ADGRG6: variants seen among roughly 807,000 people sequenced by gnomAD.
ADGRG6 encodes the protein adhesion G protein-coupled receptor G6.
In ADGRG6, 84 loss-of-function variants were observed where a neutral mutation model predicts 142.4. That is an observed-to-expected ratio of 0.59 (90% CI 0.49 to 0.71). ADGRG6 has a LOEUF of 0.71. Among genes scored for constraint, ADGRG6 ranks in the 30% least tolerant of loss-of-function variants. The probability of loss-of-function intolerance (pLI) is 0.00; values close to 1 mark genes in which losing one functional copy is unlikely to be tolerated. For missense variants in ADGRG6, 1,367 were observed against 1,466.6 expected (o/e 0.93, Z 1.11); for synonymous variants, 521 against 520.5 (o/e 1.00, Z -0.01).
chr6:142,417,156 T>C (rs114407759), intron 20 of ADGRG6, 117 bp from the exon 21 acceptor site: 1 of 726,136 alleles, frequency 1.4e-6, no homozygotes, highest in African/African-American at 1.8e-5. Context: ...GGATATGGAA[T>C]GTTGGCTTGC....
At chr6:142,327,078 C>T (rs1054892361) in intron 2 of ADGRG6, among the ~76,000 whole-genome samples, 1 of 151,994 alleles carries the variant, frequency 6.6e-6, no homozygotes, top group Non-Finnish European at 1.5e-5. Flanking sequence ...TTCCATCTTG[C>T]TCCAGTACTT....
At chr6:142,440,804 C>A in intron 24 of ADGRG6, 1 of 640,680 alleles carries the variant, frequency 1.6e-6, no homozygotes, top group Non-Finnish European at 2.8e-6. Context: ...AGTTAGCATC[C>A]TGGGATCACT....
At chr6:142,322,629 A>T (rs1223883858) in intron 2 of ADGRG6, among the ~76,000 whole-genome samples, 1 of 151,970 alleles carries the variant, frequency 6.6e-6, no homozygotes, top group Non-Finnish European at 1.5e-5. Flanking sequence ...TTCATAATAT[A>T]TTGGATTTTG....
chr6:142,315,677 A>G (rs1271031333), intron 2 of ADGRG6, among the ~76,000 whole-genome samples: 4 of 152,008 alleles, frequency 2.6e-5, no homozygotes, highest in Admixed American at 2.0e-4. Flanking sequence ...CTAAAAATCC[A>G]AAAATTAGCC....
intron 21 of ADGRG6, among the ~76,000 whole-genome samples, chr6:142,418,959 A>G (rs1052206455): frequency 3.9e-5 from 6 of 152,140 alleles, no homozygotes; most frequent in African/African-American, 1.4e-4. Context: ...TATCCAATAT[A>G]TATATTATAA....
intron 2 of ADGRG6, among the ~76,000 whole-genome samples, chr6:142,330,850 ATT>A (rs1303563431): frequency 6.6e-6 from 1 of 152,146 alleles, no homozygotes; most frequent in African/African-American, 2.4e-5. Context: ...TTGATTTTCA[ATT>A]TATTATACAT....
chr6:142,390,717 C>T (rs972859796), intron 7 of ADGRG6, among the ~76,000 whole-genome samples: 17 of 151,860 alleles, frequency 1.1e-4, no homozygotes, highest in East Asian at 7.7e-4. Context: ...TATGAAAAGA[C>T]GCATTATGAA....
intron 16 of ADGRG6, among the ~76,000 whole-genome samples, chr6:142,409,620 G>A (rs1583110285): frequency 6.6e-6 from 1 of 152,110 alleles, no homozygotes; most frequent in East Asian, 1.9e-4. Flanking sequence ...TATACTTAAT[G>A]ATGGGACATT....
At chr6:142,410,312 A>T (rs1487525273) in intron 17 of ADGRG6, among the ~76,000 whole-genome samples, 2 of 152,148 alleles carry the variant, frequency 1.3e-5, no homozygotes, top group Non-Finnish European at 2.9e-5. Context: ...TTTAAAATCC[A>T]GCTTCCAGAC....
intron 2 of ADGRG6, among the ~76,000 whole-genome samples, chr6:142,339,506 C>T (rs1344326366): frequency 6.6e-6 from 1 of 152,106 alleles, no homozygotes; most frequent in Non-Finnish European, 1.5e-5. Context: ...AAACTTTGGC[C>T]ATTTCTTTTT....
At chr6:142,354,488 A>T (rs1263758698) in intron 2 of ADGRG6, among the ~76,000 whole-genome samples, 1 of 152,178 alleles carries the variant, frequency 6.6e-6, no homozygotes, top group Non-Finnish European at 1.5e-5. Context: ...AAATCATTTC[A>T]TACATTCTCT....
intron 5 of ADGRG6, among the ~76,000 whole-genome samples, chr6:142,382,439 G>C (rs1246693208): frequency 2.0e-5 from 3 of 151,996 alleles, no homozygotes; most frequent in African/African-American, 7.2e-5. Flanking sequence ...TTAAGATAAG[G>C]CCATGAGGCA....
Position 142,306,442 on chromosome 6 carries a change from G to A in ADGRG6, c.3-3102G>A, listed in dbSNP as rs550680893. Among the ~76,000 whole-genome samples, 29 of 152,200 alleles carry A rather than the reference G, an allele frequency of 1.9e-4. No individual in the cohort carries two copies. In the East Asian group the frequency reaches 5.2e-3, roughly 27 times the overall value. ...AGGTAGTGTGGGTCTCAAAAAGGAC[G>A]CTAGGTTGGAAGCCAAGTGACAAAA... On this transcript the variant is annotated intron_variant, in intron 1 of 24. Transcript: ENST00000367609.
intron 18 of ADGRG6, among the ~76,000 whole-genome samples, chr6:142,411,997 T>A (rs1290352778): frequency 6.6e-6 from 1 of 152,150 alleles, no homozygotes; most frequent in Admixed American, 6.6e-5. Flanking sequence ...CTGTCACTCT[T>A]AGGCCTCTAT....
chr6:142,335,925 A>T (rs1289276796), intron 2 of ADGRG6, among the ~76,000 whole-genome samples: 6 of 152,194 alleles, frequency 3.9e-5, no homozygotes, highest in Admixed American at 1.3e-4. Flanking sequence ...TAAGAAAAAA[A>T]TGTGAGATGG....
At chr6:142,364,446 T>A (rs927423672) in intron 2 of ADGRG6, among the ~76,000 whole-genome samples, 1 of 152,212 alleles carries the variant, frequency 6.6e-6, no homozygotes, top group Non-Finnish European at 1.5e-5. Flanking sequence ...GAAATTCTAC[T>A]AAAGTGGTGT....
chr6:142,397,488 T>G (rs78508646), intron 9 of ADGRG6, 125 bp from the exon 10 acceptor site: 1 of 718,976 alleles, frequency 1.4e-6, no homozygotes, highest in East Asian at 2.9e-5. Context: ...GTGAGCACCT[T>G]GGCTAATCTC....
chr6:142,364,912 C>G (rs879600090), intron 2 of ADGRG6, among the ~76,000 whole-genome samples: 12 of 151,984 alleles, frequency 7.9e-5, no homozygotes, highest in Admixed American at 7.2e-4. Flanking sequence ...TTCTTCAGGT[C>G]TTAGGGAAGA....
intron 11 of ADGRG6, 200 bp downstream of exon 11, chr6:142,400,796 C>T (rs1188645050): frequency 6.0e-6 from 3 of 496,570 alleles, no homozygotes; most frequent in African/African-American, 3.9e-5. Context: ...TTCCTCCCAG[C>T]CACATGCTAA....
Sources: allele counts gnomAD v4.1 joint callset (sites outside exome capture counted in the v4.1 genomes callset), GRCh38; gene constraint gnomAD v4.1.1; transcripts MANE v1.5; gene names NCBI Gene and HGNC (gene_info 2026-07-23, HGNC 2026-07-21).